The following INPP4A variants were observed in gnomAD, a reference collection of about 807,000 sequenced individuals.
INPP4A encodes the protein inositol polyphosphate-4-phosphatase type I A.
INPP4A carries 33 observed loss-of-function variants against 119.8 expected under a neutral mutation model. The ratio of observed to expected loss-of-function variants is 0.28; its 90% CI spans 0.21 to 0.37. The LOEUF (loss-of-function observed/expected upper bound fraction) is 0.37, where lower values mean the gene tolerates loss of function less well. INPP4A is among the 10% of genes least tolerant of loss of function. INPP4A has a pLI of 1.00. For missense variants in INPP4A, 956 were observed against 1,289.9 expected, an observed-to-expected ratio of 0.74 and a Z score of 3.97; for synonymous variants, 496 against 500.7, an observed-to-expected ratio of 0.99 and a Z score of 0.12.
At position 98,589,096 on chromosome 2, in the gene INPP4A, C is replaced by T. The variant is rs1046903226; in HGVS notation, c.*1488C>T. On this transcript the variant is annotated 3_prime_UTR_variant, in exon 25 of 25. Transcript: ENST00000409851. ...TCCTACTCAGAAGTCAGCATGCAAG[C>T]AGCGCCTGCTGTCTCCCGATGCCTG... 19 of 179,968 alleles carry T rather than the reference C, an allele frequency of 1.1e-4. No individual in the cohort carries two copies. The highest frequency in any genetic ancestry group is 1.0e-3 in the Admixed American group (16 of 15,902). The allele number at this position is 179,968 out of a possible 1,614,324, so 11.1% of individuals were successfully genotyped here.
chr2:98,548,686 T>G (rs1240653758), intron 13 of INPP4A, among the ~76,000 whole-genome samples: 1 of 152,178 alleles, frequency 6.6e-6, no homozygotes, highest in Admixed American at 6.5e-5. Flanking sequence ...CTTATAGATA[T>G]GGTATTCATG....
rs113088945 is a variant in INPP4A at position 98,536,358 on chromosome 2, A to G, written c.467+150A>G. 2,326 of 614,936 alleles carry G rather than the reference A, an allele frequency of 3.8e-3. 57 individuals are homozygous for G. Among genetic ancestry groups the G allele is most frequent in the African/African-American group, 0.037 (2,028 of 54,396 alleles). 38.1% of individuals were successfully genotyped at this position (614,936 alleles called of 1,614,324 possible). ...GGACACTGTGTTGTCTATTGAGGCG[A>G]AACAAATTACTTAGCCTATCAGAGA... is the stretch of plus-strand genomic sequence containing the variant. On this transcript the variant is annotated intron_variant, in intron 7 of 24. Transcript: ENST00000409851.
At chr2:98,460,861 C>T (rs1485555497) in intron 1 of INPP4A, among the ~76,000 whole-genome samples, 1 of 152,224 alleles carries the variant, frequency 6.6e-6, no homozygotes, top group Non-Finnish European at 1.5e-5. Context: ...GAAGAATCGT[C>T]TGCGCCCCCT....
rs1700180844 is a variant in INPP4A, at chr2:98,588,917, T to C, written c.*1309T>C. The C allele has an allele frequency of 1.0e-5, 2 of 198,638 alleles. No homozygotes were observed. The highest frequency in any genetic ancestry group is 2.1e-5 in the Non-Finnish European group (2 of 96,324). The allele number at this position is 198,638 out of a possible 1,614,324, so 12.3% of individuals were successfully genotyped here. A position where few individuals can be genotyped will look rare whatever the true frequency, so the allele number is the denominator to read the frequency against. On this transcript the variant is annotated 3_prime_UTR_variant, in exon 25 of 25. Transcript: ENST00000409851. ...ATTTGTGAACCTCTTAGAAATTCTT[T>C]TGTCTAAAAGCCTAGAGATTCTTCT... is the stretch of plus-strand genomic sequence containing the variant.
chr2:98,482,100 C>T (rs1254799363), intron 1 of INPP4A, among the ~76,000 whole-genome samples: 1 of 152,194 alleles, frequency 6.6e-6, no homozygotes, highest in South Asian at 2.1e-4. Context: ...AGAGTAAGAT[C>T]CTGTCTTTAA....
At chr2:98,579,299 C>T (rs1698933433) in intron 24 of INPP4A, among the ~76,000 whole-genome samples, 1 of 152,218 alleles carries the variant, frequency 6.6e-6, no homozygotes, top group Admixed American at 6.5e-5. Context: ...GATCCGCCCA[C>T]CTTGGCCTCC....
chr2:98,483,323 G>A (rs1678860302), intron 1 of INPP4A, among the ~76,000 whole-genome samples: 1 of 152,110 alleles, frequency 6.6e-6, no homozygotes, highest in South Asian at 2.1e-4. Context: ...ACTAGTTTTC[G>A]TGCTAGGAGA....
rs778203455 is a variant in INPP4A, at chr2:98,555,796, C to T, written c.1810C>T (p.His604Tyr). 6 of 1,561,218 alleles carry T rather than the reference C, an allele frequency of 3.8e-6. No individual in the cohort carries two copies. Among genetic ancestry groups the T allele is most frequent in the Non-Finnish European group, 1.7e-6 (2 of 1,152,042 alleles). The part of the protein sequence containing the change: ...STMPSTACHP[H>Y]LTTHCSPPPE... ...CATGCCCTCCACTGCATGCCATCCTCATCTGACCACACGTGCGTATGCATC... is the reference window on the plus strand; with the variant it reads ...CATGCCCTCCACTGCATGCCATCCTTATCTGACCACACGTGCGTATGCATC... The change falls in exon 16 of 25, where the codon CAT (histidine) becomes TAT (tyrosine). Residue 604 changes from histidine to tyrosine, a missense_variant. Coordinates refer to ENST00000409851, the MANE Select transcript of INPP4A (RefSeq NM_001134225.2).
chr2:98,483,276 C>T (rs1678845222), intron 1 of INPP4A, among the ~76,000 whole-genome samples: 1 of 152,194 alleles, frequency 6.6e-6, no homozygotes, highest in Non-Finnish European at 1.5e-5. Flanking sequence ...TTTTTCCATT[C>T]ATCGAATTCT....
At chr2:98,565,600 G>A (rs1253922378) in intron 19 of INPP4A, 40 bp from the exon 20 acceptor site, 5 of 1,572,868 alleles carry the variant, frequency 3.2e-6, no homozygotes, top group Middle Eastern at 1.7e-4. Flanking sequence ...AGAGTAGCAG[G>A]GCCCTCTGCC....
intron 1 of INPP4A, among the ~76,000 whole-genome samples, chr2:98,478,939 G>A (rs1161476276): frequency 1.3e-5 from 2 of 152,208 alleles, no homozygotes; most frequent in Non-Finnish European, 2.9e-5. Context: ...ATCTTTCGAA[G>A]ATGGCAGGCT....
intron 13 of INPP4A, among the ~76,000 whole-genome samples, chr2:98,547,660 G>C (rs941028069): frequency 3.3e-5 from 5 of 152,066 alleles, no homozygotes; most frequent in Admixed American, 2.6e-4. Flanking sequence ...CATGTGTTTG[G>C]GCTGATAGGA....
At chr2:98,574,621 G>C (rs1263909834) in intron 23 of INPP4A, among the ~76,000 whole-genome samples, 1 of 149,686 alleles carries the variant, frequency 6.7e-6, no homozygotes, top group African/African-American at 2.5e-5. Context: ...CTGGGTGATA[G>C]AGTGAGACTC....
Position 98,590,284 on chromosome 2 carries a change from A to G in INPP4A, c.*2676A>G, listed in dbSNP as rs1312951216. The stretch of plus-strand genomic sequence containing the variant: ...AATACATGTTTGTAAACATGGGACC[A>G]TGGGAGACTTCCATTTTATAAGCTT... On this transcript the variant is annotated 3_prime_UTR_variant, in exon 25 of 25. Coordinates refer to ENST00000409851, the MANE Select transcript of INPP4A (RefSeq NM_001134225.2). 1 of 197,632 alleles carries G rather than the reference A, an allele frequency of 5.1e-6. No homozygotes were observed. Among genetic ancestry groups the G allele is most frequent in the Non-Finnish European group, 1.0e-5 (1 of 95,446 alleles). 12.2% of individuals were successfully genotyped at this position (197,632 alleles called of 1,614,324 possible).
chr2:98,487,915 T>C (rs1679885760), intron 1 of INPP4A, among the ~76,000 whole-genome samples: 1 of 152,240 alleles, frequency 6.6e-6, no homozygotes, highest in Admixed American at 6.5e-5. Context: ...TTTCAGCAGC[T>C]GGACTTGCGG....
chr2:98,497,021 A>T (rs1045575904), intron 1 of INPP4A, among the ~76,000 whole-genome samples: 1 of 152,142 alleles, frequency 6.6e-6, no homozygotes, highest in East Asian at 1.9e-4. Flanking sequence ...CAGGTCAGAT[A>T]TGGGGAGGAA....
chr2:98,471,857 A>G (rs559020182), intron 1 of INPP4A, among the ~76,000 whole-genome samples: 6 of 152,316 alleles, frequency 3.9e-5, no homozygotes, highest in Admixed American at 2.6e-4. Context: ...GCCACAGGCC[A>G]AGCAAACTGC....
intron 1 of INPP4A, among the ~76,000 whole-genome samples, chr2:98,504,808 TTCAACTTATTA>T (rs1210622910): frequency 6.6e-6 from 1 of 152,248 alleles, no homozygotes; most frequent in Non-Finnish European, 1.5e-5. Context: ...ATTATTAACT[TTCAACTTATTA>T]TCAGTTCTGC....
At chr2:98,520,312 G>A (rs967764364) in intron 3 of INPP4A, among the ~76,000 whole-genome samples, 158 bp downstream of exon 3, 3 of 152,216 alleles carry the variant, frequency 2.0e-5, no homozygotes, top group Non-Finnish European at 4.4e-5. Flanking sequence ...CCAGGAAATA[G>A]GGAAGGGGGA....
Sources: allele counts gnomAD v4.1 joint callset (sites outside exome capture counted in the v4.1 genomes callset), GRCh38; gene constraint gnomAD v4.1.1; transcripts MANE v1.5; gene names NCBI Gene and HGNC (gene_info 2026-07-23, HGNC 2026-07-21).